TAFA5: variants seen among roughly 807,000 people sequenced by gnomAD.
The protein encoded by TAFA5 is TAFA chemokine like family member 5.
A neutral mutation model predicts 15.3 loss-of-function variants in TAFA5; 6 were observed. The ratio of observed to expected loss-of-function variants is 0.39; its 90% CI spans 0.21 to 0.77. The LOEUF is 0.77. TAFA5 is among the 30% of genes least tolerant of loss of function. The pLI is 0.41. For missense variants in TAFA5, 161 were observed against 193.1 expected (o/e 0.83, Z 0.98); for synonymous variants, 103 against 80.7 (o/e 1.28, Z -1.48).
intron 1 of TAFA5, among the ~76,000 whole-genome samples, chr22:48,569,822 G>A (rs1039340710): frequency 1.3e-5 from 2 of 152,218 alleles, no homozygotes; most frequent in African/African-American, 4.8e-5. Flanking sequence ...CATGCGGCTG[G>A]CGTGCCCTCT....
chr22:48,593,464 G>A (rs1284241246), intron 1 of TAFA5, among the ~76,000 whole-genome samples: 1 of 152,040 alleles, frequency 6.6e-6, no homozygotes, highest in East Asian at 1.9e-4. Flanking sequence ...TTCTGAGCTG[G>A]CTGTCTGGGC....
At chr22:48,542,521 GC>G (rs1922465889) in intron 1 of TAFA5, among the ~76,000 whole-genome samples, 1 of 116,220 alleles carries the variant, frequency 8.6e-6, no homozygotes, top group Non-Finnish European at 1.7e-5. Flanking sequence ...ATGTGTGTGT[GC>G]ATGTGTGGTG....
At chr22:48,693,562 C>T (rs1478513179) in intron 2 of TAFA5, among the ~76,000 whole-genome samples, 2 of 152,180 alleles carry the variant, frequency 1.3e-5, no homozygotes, top group South Asian at 2.1e-4. Context: ...GCTCAGGGAA[C>T]TCTGTTCCCA....
At chr22:48,744,882 C>T (rs1930282585) in intron 3 of TAFA5, among the ~76,000 whole-genome samples, 1 of 152,152 alleles carries the variant, frequency 6.6e-6, no homozygotes. Flanking sequence ...GCCTCAGCCT[C>T]CCGAGTAGCT....
At chr22:48,649,607 T>C (rs1926982775) in intron 2 of TAFA5, among the ~76,000 whole-genome samples, 1 of 152,176 alleles carries the variant, frequency 6.6e-6, no homozygotes, top group Non-Finnish European at 1.5e-5. Flanking sequence ...TCTACAGAGC[T>C]GGATCCTGGG....
At chr22:48,570,277 C>G (rs901471335) in intron 1 of TAFA5, among the ~76,000 whole-genome samples, 1 of 152,252 alleles carries the variant, frequency 6.6e-6, no homozygotes, top group Non-Finnish European at 1.5e-5. Context: ...CCACTTCTTC[C>G]TTTTCCTCAG....
intron 1 of TAFA5, among the ~76,000 whole-genome samples, chr22:48,626,057 A>T (rs1257976104): frequency 2.6e-5 from 4 of 152,228 alleles, no homozygotes; most frequent in Admixed American, 1.3e-4. Context: ...GATTCCACTT[A>T]TATGAACGTG....
intron 1 of TAFA5, among the ~76,000 whole-genome samples, chr22:48,580,739 A>C (rs949740190): frequency 6.6e-6 from 1 of 152,164 alleles, no homozygotes; most frequent in African/African-American, 2.4e-5. Flanking sequence ...CCCTGCACCC[A>C]GTCTTGGCAT....
chr22:48,733,666 G>C (rs1276707196), intron 3 of TAFA5, among the ~76,000 whole-genome samples: 1 of 152,134 alleles, frequency 6.6e-6, no homozygotes. Flanking sequence ...AAAGTTCTCT[G>C]CTTGTATCCA....
intron 3 of TAFA5, among the ~76,000 whole-genome samples, chr22:48,710,085 GCCCTTCACCCACCAGGC>G (rs1053204185): frequency 1.3e-5 from 2 of 152,112 alleles, no homozygotes; most frequent in African/African-American, 4.8e-5. Context: ...CTGGAGGGAT[GCCCTTCACCCACCAGGC>G]ACCATCGGGG....
At chr22:48,655,265 C>T (rs1017399479) in intron 2 of TAFA5, among the ~76,000 whole-genome samples, 2 of 152,178 alleles carry the variant, frequency 1.3e-5, no homozygotes, top group Non-Finnish European at 2.9e-5. Flanking sequence ...CACTCTTCTG[C>T]GGGAAAAGCT....
chr22:48,657,365 T>G (rs1320010800), intron 2 of TAFA5, among the ~76,000 whole-genome samples: 9 of 152,156 alleles, frequency 5.9e-5, no homozygotes, highest in Non-Finnish European at 1.2e-4. Context: ...CTATGTTAAG[T>G]AAAAACAAGG....
rs534906819 is a variant in TAFA5, at chr22:48,692,953, C to A, written c.263-14764C>A. Among the ~76,000 whole-genome samples the A allele has an allele frequency of 2.3e-3, 354 of 152,316 alleles. 2 individuals carry two copies. Among genetic ancestry groups the A allele is most frequent in the African/African-American group, 8.3e-3 (347 of 41,582 alleles). On this transcript the variant is annotated intron_variant, in intron 2 of 3. Transcript: ENST00000402357. The stretch of plus-strand genomic sequence containing the variant: ...GTTGAGGCAGGAAGGGCATCGGCGG[C>A]GCCTTGGGCCCCGTCATCTTGAGAA...
intron 3 of TAFA5, among the ~76,000 whole-genome samples, chr22:48,740,175 A>G (rs16999826): frequency 0.034 from 5,142 of 152,200 alleles, 288 homozygotes; most frequent in African/African-American, 0.12. Flanking sequence ...GCTTTTCCTA[A>G]CAGGACCCAA....
Position 48,674,344 on chromosome 22 carries a change from C to T in TAFA5, c.262+27598C>T, listed in dbSNP as rs183001045. 4.5e-3 allele frequency among the ~76,000 whole-genome samples: 582 copies of T among 128,650 alleles called. 2 individuals carry two copies. Among genetic ancestry groups the T allele is most frequent in the African/African-American group, 0.014 (561 of 39,548 alleles). The allele number at this position is 128,650 out of a possible 152,430, so 84.4% of individuals were successfully genotyped here. A position where few individuals can be genotyped will look rare whatever the true frequency, so the allele number is the denominator to read the frequency against. ...CAGGGCAGGGCTTTTGTTCCGCCAG[C>T]GGTTCCTTTCTGGCACCCGTCCATG... On this transcript the variant is annotated intron_variant, in intron 2 of 3. Coordinates refer to ENST00000402357, the MANE Select transcript of TAFA5 (RefSeq NM_001082967.3).
intron 2 of TAFA5, among the ~76,000 whole-genome samples, chr22:48,682,413 G>GC (rs955280382): frequency 5.9e-5 from 9 of 152,212 alleles, no homozygotes; most frequent in African/African-American, 2.2e-4. Context: ...TCCACCCAGA[G>GC]CCCCCTGAAG....
intron 1 of TAFA5, among the ~76,000 whole-genome samples, chr22:48,613,383 C>T (rs1601615905): frequency 6.6e-6 from 1 of 152,158 alleles, no homozygotes; most frequent in Non-Finnish European, 1.5e-5. Context: ...TGCACTGAGC[C>T]TCTGTCATCC....
chr22:48,654,161 T>G (rs962068634), intron 2 of TAFA5, among the ~76,000 whole-genome samples: 8 of 151,948 alleles, frequency 5.3e-5, no homozygotes, highest in Admixed American at 3.9e-4. Flanking sequence ...TCCCTCCCTT[T>G]CATAAGGGAG....
At chr22:48,707,994 TC>T in intron 3 of TAFA5, 150 bp downstream of exon 3, 1 of 1,055,234 alleles carries the variant, frequency 9.5e-7, no homozygotes, top group Non-Finnish European at 1.4e-6. Flanking sequence ...CTCCCCCACC[TC>T]CCTCTCTGGT....
Sources: gnomAD v4.1 joint callset for allele counts (sites outside exome capture counted in the v4.1 genomes callset) on GRCh38, gnomAD v4.1.1 for gene constraint, MANE v1.5 for transcripts, NCBI Gene and HGNC (gene_info 2026-07-23, HGNC 2026-07-21) for gene names.